Variants in WDR7 observed in about 807,000 individuals in gnomAD.
WDR7 encodes the protein WD repeat domain 7, also known as WD repeat-containing protein 7.
Under a neutral mutation model 169.4 loss-of-function variants are expected in WDR7, and 46 were observed. That is an observed-to-expected ratio of 0.27 (90% confidence interval 0.21 to 0.35). The LOEUF (loss-of-function observed/expected upper bound fraction) is 0.35. Ranked by LOEUF, WDR7 falls within the 10% of genes least tolerant of loss-of-function variation. WDR7 has a pLI of 1.00. For missense variants in WDR7, 1,534 were observed against 1,859.3 expected (o/e 0.83, Z 3.22); for synonymous variants, 612 against 666.8 (o/e 0.92, Z 1.27).
At chr18:56,820,142 C>G (rs1399600766) in intron 20 of WDR7, among the ~76,000 whole-genome samples, 1 of 151,662 alleles carries the variant, frequency 6.6e-6, no homozygotes, top group Non-Finnish European at 1.5e-5. Context: ...AATACTGCAT[C>G]TAAAAACAAC....
chr18:56,660,288 T>A (rs619558), intron 1 of WDR7, among the ~76,000 whole-genome samples: 80 of 152,160 alleles, frequency 5.3e-4, no homozygotes, highest in African/African-American at 1.6e-3. Context: ...CTGGACATAC[T>A]GATTTGGATT....
At chr18:56,851,000 T>C (rs2045631866) in intron 20 of WDR7, among the ~76,000 whole-genome samples, 2 of 152,154 alleles carry the variant, frequency 1.3e-5, no homozygotes. Context: ...ATTTCTGCTC[T>C]CCATTCCTGC....
chr18:56,893,824 G>A (rs2046296543), intron 21 of WDR7, among the ~76,000 whole-genome samples: 2 of 152,112 alleles, frequency 1.3e-5, no homozygotes, highest in Non-Finnish European at 2.9e-5. Flanking sequence ...ATTTGTGCAT[G>A]TGTGTTTTAG....
rs926631141 is a variant in WDR7 at position 56,891,887 on chromosome 18, T to C, written c.3526+11722T>C. Among the ~76,000 whole-genome samples, 7 of 152,280 alleles carry C rather than the reference T, an allele frequency of 4.6e-5. 1 individual carries two copies. Among genetic ancestry groups the C allele is most frequent in the Admixed American group, 4.6e-4 (7 of 15,288 alleles). The stretch of plus-strand genomic sequence containing the variant: ...ATTTATGTTTGGATGAATTTCTGTA[T>C]GTTTATTACCTTATTTCTCATTTCA... On this transcript the variant is annotated intron_variant, in intron 21 of 27. Transcript: ENST00000254442.
intron 2 of WDR7, among the ~76,000 whole-genome samples, chr18:56,676,423 A>G (rs1353742910): frequency 1.3e-5 from 2 of 151,828 alleles, no homozygotes; most frequent in African/African-American, 4.8e-5. Flanking sequence ...TATTTCTGCT[A>G]TTTTGTTTTT....
intron 25 of WDR7, among the ~76,000 whole-genome samples, chr18:56,947,445 C>T (rs997599327): frequency 8.5e-5 from 13 of 152,190 alleles, no homozygotes; most frequent in African/African-American, 2.7e-4. Flanking sequence ...AATAATACAG[C>T]ATCCTCAGTT....
At chr18:56,941,576 G>A (rs1358820831) in intron 25 of WDR7, among the ~76,000 whole-genome samples, 1 of 152,186 alleles carries the variant, frequency 6.6e-6, no homozygotes, top group African/African-American at 2.4e-5. Context: ...TTGAGGATAG[G>A]AGTCTAGTAT....
At chr18:56,673,965 C>A (rs962065675) in intron 2 of WDR7, among the ~76,000 whole-genome samples, 2 of 152,098 alleles carry the variant, frequency 1.3e-5, no homozygotes, top group East Asian at 3.8e-4. Flanking sequence ...TTATGACTGG[C>A]TTTTATCATG....
chr18:56,756,699 C>G lies in WDR7; in HGVS notation c.2106C>G (p.Leu702=). ...ATGTGGAAGCGTTGATTATTCAACT[C>G]CTGACTGAAGAAGCCTCTAGGCCGA... The part of the protein sequence containing the change: ...FFDVEALIIQ[L]LTEEASRPNT... Residue 702 remains leucine, a synonymous_variant, in exon 15 of 28, where the codon CTC becomes CTG. Transcript: ENST00000254442. 6.2e-7 allele frequency: 1 copy of G among 1,614,092 alleles called. No homozygotes were observed. The highest frequency in any genetic ancestry group is 8.5e-7 in the Non-Finnish European group (1 of 1,180,020).
chr18:56,691,461 T>C, intron 8 of WDR7, 100 bp downstream of exon 8: 1 of 1,300,338 alleles, frequency 7.7e-7, no homozygotes, highest in Non-Finnish European at 1.0e-6. Flanking sequence ...TATAAATATT[T>C]AACTTTGATA....
At chr18:56,852,103 T>A (rs1431298759) in intron 20 of WDR7, among the ~76,000 whole-genome samples, 2 of 152,184 alleles carry the variant, frequency 1.3e-5, no homozygotes, top group Non-Finnish European at 2.9e-5. Flanking sequence ...CTTGCTTTCC[T>A]CCTTGAAACA....
At chr18:56,661,372 C>G (rs1443703627) in intron 1 of WDR7, among the ~76,000 whole-genome samples, 1 of 152,114 alleles carries the variant, frequency 6.6e-6, no homozygotes, top group Non-Finnish European at 1.5e-5. Flanking sequence ...AGAGTTCATT[C>G]ATTATAATAT....
At chr18:56,729,191 C>A (rs922678179) in intron 13 of WDR7, among the ~76,000 whole-genome samples, 2 of 152,074 alleles carry the variant, frequency 1.3e-5, no homozygotes, top group Non-Finnish European at 2.9e-5. Context: ...AGAGCTAGAG[C>A]AGTAAATTCT....
At position 57,028,832 on chromosome 18, in the gene WDR7, A is replaced by G. The variant is rs1366647277; in HGVS notation, c.*1625A>G. 2.0e-5 allele frequency: 3 copies of G among 152,654 alleles called. No individual in the cohort carries two copies. Among genetic ancestry groups the G allele is most frequent in the African/African-American group, 7.2e-5 (3 of 41,458 alleles). 9.5% of individuals were successfully genotyped at this position (152,654 alleles called of 1,614,324 possible). On this transcript the variant is annotated 3_prime_UTR_variant, in exon 28 of 28. Transcript: ENST00000254442. ...CTGTTCCTTGGTTTTAGAGTTGGGT[A>G]TTCTTTCAAAAGTGAATTTAGGCAC...
At chr18:56,965,613 C>T (rs144577934) in intron 26 of WDR7, among the ~76,000 whole-genome samples, 76 of 152,048 alleles carry the variant, frequency 5.0e-4, no homozygotes, top group African/African-American at 1.8e-3. Context: ...AAGTTTTATT[C>T]GAACACAGGC....
intron 26 of WDR7, among the ~76,000 whole-genome samples, chr18:56,995,454 T>G (rs1276167492): frequency 2.0e-5 from 3 of 152,158 alleles, no homozygotes; most frequent in Admixed American, 6.5e-5. Flanking sequence ...TAGATCTACA[T>G]GTACTAAGAA....
At chr18:56,859,420 T>C (rs1413220234) in intron 20 of WDR7, among the ~76,000 whole-genome samples, 1 of 152,198 alleles carries the variant, frequency 6.6e-6, no homozygotes, top group Non-Finnish European at 1.5e-5. Context: ...GGGCAGCTTA[T>C]CAACCCGTGC....
intron 25 of WDR7, among the ~76,000 whole-genome samples, chr18:56,955,022 A>G (rs1034689700): frequency 6.6e-6 from 1 of 152,266 alleles, no homozygotes; most frequent in Non-Finnish European, 1.5e-5. Flanking sequence ...AACACTGTCT[A>G]CTTTAGAACA....
chr18:56,693,391 A>G (rs2025619394), intron 9 of WDR7, among the ~76,000 whole-genome samples: 1 of 152,104 alleles, frequency 6.6e-6, no homozygotes, highest in Admixed American at 6.6e-5. Flanking sequence ...TACACATAAG[A>G]TCCTAATGAA....
Sources: gnomAD v4.1 joint callset for allele counts (sites outside exome capture counted in the v4.1 genomes callset) on GRCh38, gnomAD v4.1.1 for gene constraint, MANE v1.5 for transcripts, NCBI Gene and HGNC (gene_info 2026-07-23, HGNC 2026-07-21) for gene names.